RYR2: variants seen among roughly 807,000 people sequenced by gnomAD.
RYR2 encodes the protein cardiac muscle ryanodine receptor-calcium release channel.
RYR2 carries 227 observed loss-of-function variants against 601.1 expected under a neutral mutation model. The observed-to-expected ratio is 0.38, with a 90% CI of 0.34 to 0.42. The LOEUF (loss-of-function observed/expected upper bound fraction) is 0.42, where lower values mean the gene tolerates loss of function less well. Ranked by LOEUF, RYR2 falls within the 10% of genes least tolerant of loss-of-function variation. The pLI is 1.00. For synonymous variants in RYR2, 2,223 were observed against 2,175.1 expected, an observed-to-expected ratio of 1.02 and a Z score of -0.61; for missense variants, 4,646 against 6,156.5, an observed-to-expected ratio of 0.75 and a Z score of 8.21.
chr1:237,467,624 G>A (rs993722359), intron 16 of RYR2, among the ~76,000 whole-genome samples: 11 of 152,206 alleles, frequency 7.2e-5, no homozygotes, highest in African/African-American at 2.6e-4. Flanking sequence ...ACACAAAAAA[G>A]CTCTTCTCAT....
intron 29 of RYR2, among the ~76,000 whole-genome samples, chr1:237,577,786 C>T (rs186232193): frequency 7.2e-5 from 11 of 152,154 alleles, no homozygotes; most frequent in African/African-American, 1.7e-4. Flanking sequence ...CAGTAATCCA[C>T]GGTCCACTTC....
intron 79 of RYR2, 27 bp from the exon 80 acceptor site, chr1:237,742,269 C>CT: frequency 1.6e-6 from 2 of 1,283,934 alleles, no homozygotes; most frequent in Non-Finnish European, 2.1e-6. Flanking sequence ...ATTCCTGTCT[C>CT]CTTTTTTTTT....
intron 75 of RYR2, 103 bp from the exon 76 acceptor site, chr1:237,726,984 C>T: frequency 1.6e-6 from 1 of 635,906 alleles, no homozygotes; most frequent in Non-Finnish European, 2.9e-6. Context: ...AGAGGGGCAA[C>T]TGTTTAATAC....
chr1:237,453,217 G>C (rs1249763098), intron 14 of RYR2, among the ~76,000 whole-genome samples: 1 of 151,968 alleles, frequency 6.6e-6, no homozygotes, highest in African/African-American at 2.4e-5. Flanking sequence ...ACTTATAGAG[G>C]CGATAAAACT....
At chr1:237,789,275 C>T (rs1340273294) in intron 92 of RYR2, among the ~76,000 whole-genome samples, 1 of 152,014 alleles carries the variant, frequency 6.6e-6, no homozygotes, top group Non-Finnish European at 1.5e-5. Flanking sequence ...TAGAATTTCA[C>T]CTATAAGGAA....
intron 19 of RYR2, among the ~76,000 whole-genome samples, chr1:237,494,049 C>A (rs757267944): frequency 6.6e-6 from 1 of 152,050 alleles, no homozygotes. Flanking sequence ...ATAACCACCG[C>A]GCCACACTGC....
In RYR2 at chr1:237,806,132, A is replaced by C; in HGVS notation, c.14152-5A>C. 6.2e-7 allele frequency: 1 copy of C among 1,613,184 alleles called. No individual in the cohort carries two copies. The highest frequency in any genetic ancestry group is 1.1e-5 in the South Asian group (1 of 90,928). On this transcript the variant is annotated splice_region_variant and splice_polypyrimidine_tract_variant and intron_variant, in intron 98 of 104. Transcript: ENST00000366574. The stretch of plus-strand genomic sequence containing the variant: ...ATGTTCTTTCCCCCCGTTTTGTCTT[A>C]ATAGTCCTTCCTCTACCTAGCCTGG...
At chr1:237,092,796 G>A (rs542071375) in intron 1 of RYR2, among the ~76,000 whole-genome samples, 22 of 152,258 alleles carry the variant, frequency 1.4e-4, no homozygotes, top group African/African-American at 4.8e-4. Context: ...CTCCCAAAGC[G>A]CTGGGGTTAT....
chr1:237,430,022 T>C (rs944608498), intron 12 of RYR2, among the ~76,000 whole-genome samples: 1 of 151,476 alleles, frequency 6.6e-6, no homozygotes, highest in Non-Finnish European at 1.5e-5. Flanking sequence ...TTATTGGAAG[T>C]ATTTTTCATG....
chr1:237,350,157 A>G (rs898871106), intron 3 of RYR2, among the ~76,000 whole-genome samples: 5 of 152,182 alleles, frequency 3.3e-5, no homozygotes, highest in Admixed American at 3.3e-4. Context: ...ATTAACTGCA[A>G]TTGTATGCTG....
chr1:237,183,769 A>G (rs1313378541), intron 1 of RYR2, among the ~76,000 whole-genome samples: 1 of 152,182 alleles, frequency 6.6e-6, no homozygotes, highest in East Asian at 1.9e-4. Flanking sequence ...CCTTTGTTCA[A>G]TTTAGAGACT....
At chr1:237,286,264 T>C (rs1398671620) in intron 2 of RYR2, among the ~76,000 whole-genome samples, 4 of 152,062 alleles carry the variant, frequency 2.6e-5, no homozygotes, top group African/African-American at 4.8e-5. Flanking sequence ...TTCATCTTGG[T>C]TTCGTTTTTG....
intron 5 of RYR2, among the ~76,000 whole-genome samples, chr1:237,366,086 C>T (rs1700171852): frequency 6.6e-6 from 1 of 152,198 alleles, no homozygotes; most frequent in African/African-American, 2.4e-5. Flanking sequence ...TCGCTTTCAC[C>T]TTTCAATCAT....
intron 1 of RYR2, among the ~76,000 whole-genome samples, chr1:237,264,196 C>T (rs948998105): frequency 2.0e-5 from 3 of 152,134 alleles, no homozygotes; most frequent in Non-Finnish European, 4.4e-5. Context: ...TGTCGCCACC[C>T]CTGCTATCCC....
chr1:237,620,960 G>A (rs781055239), intron 38 of RYR2, among the ~76,000 whole-genome samples: 7 of 151,980 alleles, frequency 4.6e-5, no homozygotes, highest in Non-Finnish European at 1.0e-4. Context: ...CAACGACAAG[G>A]TACACACTCT....
intron 2 of RYR2, among the ~76,000 whole-genome samples, chr1:237,295,328 A>G (rs116207040): frequency 0.028 from 4,254 of 152,260 alleles, 92 homozygotes; most frequent in Non-Finnish European, 0.045. Context: ...TACTTTTTGC[A>G]GTAATTTTGA....
intron 8 of RYR2, among the ~76,000 whole-genome samples, chr1:237,382,424 C>T (rs1199352325): frequency 4.6e-5 from 7 of 151,932 alleles, no homozygotes; most frequent in Admixed American, 1.3e-4. Flanking sequence ...ATGTGCACAA[C>T]GTGCAGGATT....
chr1:237,710,052 T>C (rs1168836261), intron 70 of RYR2, among the ~76,000 whole-genome samples: 3 of 152,240 alleles, frequency 2.0e-5, no homozygotes, highest in Non-Finnish European at 4.4e-5. Context: ...AGCTTCTTTC[T>C]ACTGACAATC....
At chr1:237,363,576 C>T (rs1261697995) in intron 4 of RYR2, among the ~76,000 whole-genome samples, 1 of 151,968 alleles carries the variant, frequency 6.6e-6, no homozygotes, top group African/African-American at 2.4e-5. Context: ...AAATTCAGCC[C>T]TAAGTTTGGA....
Sources: allele counts gnomAD v4.1 joint callset (sites outside exome capture counted in the v4.1 genomes callset), GRCh38; gene constraint gnomAD v4.1.1; transcripts MANE v1.5; gene names NCBI Gene and HGNC (gene_info 2026-07-23, HGNC 2026-07-21).